Variants in SLC5A12 observed in about 807,000 individuals in gnomAD.
SLC5A12 encodes sodium-coupled monocarboxylate transporter 2.
SLC5A12 carries 46 observed loss-of-function variants against 72.7 expected under a neutral mutation model. The ratio of observed to expected loss-of-function variants is 0.63; its 90% CI spans 0.50 to 0.81. The LOEUF is 0.81. Ranked by LOEUF, SLC5A12 falls within the 30% of genes least tolerant of loss-of-function variation. SLC5A12 has a pLI of 0.00. For synonymous variants in SLC5A12, 275 were observed against 264.4 expected, an observed-to-expected ratio of 1.04 and a Z score of -0.39; for missense variants, 683 against 740.7, an observed-to-expected ratio of 0.92 and a Z score of 0.90.
intron 14 of SLC5A12, among the ~76,000 whole-genome samples, chr11:26,673,165 A>C (rs1255595103): frequency 6.6e-6 from 1 of 152,172 alleles, no homozygotes; most frequent in African/African-American, 2.4e-5. Context: ...AACAGTTTGA[A>C]AACTGACCAC....
chr11:26,692,254 G>A, intron 9 of SLC5A12: 1 of 433,884 alleles, frequency 2.3e-6, no homozygotes, highest in East Asian at 4.2e-5. Context: ...TAGAGTGTAG[G>A]GTAAGTATAG....
chr11:26,687,480 T>C (rs749089801), intron 9 of SLC5A12, among the ~76,000 whole-genome samples: 4 of 152,132 alleles, frequency 2.6e-5, no homozygotes, highest in Non-Finnish European at 4.4e-5. Flanking sequence ...ATACCAACCA[T>C]AGATGAGACA....
chr11:26,691,789 A>T (rs1455650745), intron 9 of SLC5A12: 1 of 152,248 alleles, frequency 6.6e-6, no homozygotes, highest in Admixed American at 6.5e-5. Context: ...ATTATCTCTG[A>T]TAAGTGCTGA....
Position 26,719,902 on chromosome 11 carries a change from C to A in SLC5A12, c.339+1474G>T, listed in dbSNP as rs73438440. ...AAGTTAGACTGCCTGGTTTGAAAAACTGTTACTTGCTAGCTTTATGTCACT... is the reference window on the plus strand; with the variant it reads ...AAGTTAGACTGCCTGGTTTGAAAAAATGTTACTTGCTAGCTTTATGTCACT... On this transcript the variant is annotated intron_variant, in intron 1 of 14. Transcript: ENST00000396005. 1.7e-3 allele frequency among the ~76,000 whole-genome samples: 257 copies of A among 152,258 alleles called. 2 individuals carry two copies. Among genetic ancestry groups the A allele is most frequent in the African/African-American group, 5.9e-3 (246 of 41,558 alleles).
intron 6 of SLC5A12, 148 bp downstream of exon 6, chr11:26,703,383 A>T (rs1855005151): frequency 1.2e-6 from 1 of 846,520 alleles, no homozygotes; most frequent in Non-Finnish European, 1.8e-6. Context: ...AAGTTGAAAG[A>T]GTTAAGTGAG....
intron 1 of SLC5A12, among the ~76,000 whole-genome samples, chr11:26,720,128 C>T (rs1855444094): frequency 6.6e-6 from 1 of 152,080 alleles, no homozygotes. Context: ...GACTGCCCTT[C>T]TCTGCTATGA....
chr11:26,699,581 T>A (rs2133187882), intron 6 of SLC5A12, among the ~76,000 whole-genome samples: 1 of 152,322 alleles, frequency 6.6e-6, no homozygotes, highest in South Asian at 2.1e-4. Flanking sequence ...TTTATGTGTT[T>A]GTTTGTTTTT....
At chr11:26,677,531 G>C (rs1313726205) in intron 13 of SLC5A12, among the ~76,000 whole-genome samples, 1 of 152,148 alleles carries the variant, frequency 6.6e-6, no homozygotes, top group Non-Finnish European at 1.5e-5. Context: ...CTAGCATCAA[G>C]GAAGGAGTTA....
chr11:26,715,456 C>G (rs1855329366), intron 1 of SLC5A12, among the ~76,000 whole-genome samples: 1 of 152,088 alleles, frequency 6.6e-6, no homozygotes, highest in African/African-American at 2.4e-5. Context: ...TATATTGTCT[C>G]TTAGAGATCC....
At chr11:26,701,055 C>T (rs867497777) in intron 6 of SLC5A12, among the ~76,000 whole-genome samples, 3 of 152,178 alleles carry the variant, frequency 2.0e-5, no homozygotes, top group Non-Finnish European at 4.4e-5. Flanking sequence ...TCAGAGCCTC[C>T]TAAGTGACAG....
At chr11:26,715,551 G>A (rs371932775) in intron 1 of SLC5A12, among the ~76,000 whole-genome samples, 4 of 152,044 alleles carry the variant, frequency 2.6e-5, no homozygotes, top group Non-Finnish European at 4.4e-5. Flanking sequence ...TCTGTTTCAC[G>A]TTGCCACTTG....
intron 1 of SLC5A12, among the ~76,000 whole-genome samples, chr11:26,717,998 G>A (rs1855391007): frequency 6.6e-6 from 1 of 152,154 alleles, no homozygotes; most frequent in Non-Finnish European, 1.5e-5. Flanking sequence ...CATCACTTTG[G>A]CTACATTCTG....
intron 9 of SLC5A12, 130 bp downstream of exon 9, chr11:26,692,359 T>C: frequency 1.5e-6 from 1 of 658,282 alleles, no homozygotes; most frequent in Non-Finnish European, 2.8e-6. Flanking sequence ...AATCTATGTG[T>C]GGGATTCTTC....
intron 4 of SLC5A12, among the ~76,000 whole-genome samples, chr11:26,706,431 C>A (rs1855091388): frequency 6.6e-6 from 1 of 151,928 alleles, no homozygotes; most frequent in Admixed American, 6.6e-5. Context: ...AGCACAAAAC[C>A]AGTTAGAAGG....
At chr11:26,671,376 A>T in intron 14 of SLC5A12, 125 bp from the exon 15 acceptor site, 2 of 677,908 alleles carry the variant, frequency 3.0e-6, no homozygotes, top group Non-Finnish European at 4.7e-6. Flanking sequence ...AGCATAAACA[A>T]CTCTGACCTA....
At chr11:26,711,895 T>C (rs1271026230) in intron 2 of SLC5A12, among the ~76,000 whole-genome samples, 4 of 152,130 alleles carry the variant, frequency 2.6e-5, no homozygotes, top group African/African-American at 9.7e-5. Context: ...ACTACCCTGC[T>C]GGAAATAGGT....
chr11:26,716,164 G>A (rs1342880751), intron 1 of SLC5A12: 1 of 152,186 alleles, frequency 6.6e-6, no homozygotes, highest in Non-Finnish European at 1.5e-5. Flanking sequence ...CGAGGCTATT[G>A]CTATAGGGAT....
chr11:26,672,371 C>G (rs1178338391), intron 14 of SLC5A12, among the ~76,000 whole-genome samples: 37 of 151,992 alleles, frequency 2.4e-4, no homozygotes, highest in Admixed American at 2.4e-3. Context: ...TAAGTTTAAA[C>G]TAAAAAGAAA....
intron 11 of SLC5A12, 70 bp from the exon 12 acceptor site, chr11:26,681,291 GAGT>G: frequency 1.7e-6 from 2 of 1,163,964 alleles, no homozygotes; most frequent in Non-Finnish European, 2.4e-6. Context: ...ATGAGATGAG[GAGT>G]TCTATGCCTT....
Sources: allele counts gnomAD v4.1 joint callset (sites outside exome capture counted in the v4.1 genomes callset), GRCh38; gene constraint gnomAD v4.1.1; transcripts MANE v1.5; gene names NCBI Gene and HGNC (gene_info 2026-07-23, HGNC 2026-07-21).